Variants in XPR1 observed in about 807,000 individuals in gnomAD.
The protein encoded by XPR1 is xenotropic and polytropic retrovirus receptor 1, also known as solute carrier family 53 member 1.
In XPR1, 28 loss-of-function variants were observed where a neutral mutation model predicts 87.5. The ratio of observed to expected loss-of-function variants is 0.32; its 90% CI spans 0.24 to 0.44. XPR1 has a LOEUF of 0.44. Among genes scored for constraint, XPR1 ranks in the 20% least tolerant of loss-of-function variants. The pLI is 1.00. For synonymous variants in XPR1, 300 were observed against 306.1 expected (o/e 0.98, Z 0.21); for missense variants, 559 against 862.3 (o/e 0.65, Z 4.41).
At chr1:180,711,628 A>G (rs992661852) in intron 2 of XPR1, among the ~76,000 whole-genome samples, 5 of 151,140 alleles carry the variant, frequency 3.3e-5, no homozygotes, top group Admixed American at 2.6e-4. Context: ...GAGAGGGGGG[A>G]GAGTTCTTTT....
At chr1:180,791,303 A>G in intron 3 of XPR1, among the ~76,000 whole-genome samples, 1 of 152,054 alleles carries the variant, frequency 6.6e-6, no homozygotes, top group Non-Finnish European at 1.5e-5. Flanking sequence ...ACAGGATCTC[A>G]CTCTGTTGTC....
intron 2 of XPR1, among the ~76,000 whole-genome samples, chr1:180,757,452 A>G (rs1324201499): frequency 4.0e-5 from 6 of 150,664 alleles, no homozygotes; most frequent in Admixed American, 6.6e-5. Flanking sequence ...AGCTAATGCT[A>G]TTGGTTTGGA....
At chr1:180,844,252 G>C (rs1212264000) in intron 11 of XPR1, among the ~76,000 whole-genome samples, 3 of 152,120 alleles carry the variant, frequency 2.0e-5, no homozygotes, top group African/African-American at 7.2e-5. Context: ...ACAGGAGTTT[G>C]TCTAATTGAA....
At chr1:180,724,914 T>G (rs1183415290) in intron 2 of XPR1, among the ~76,000 whole-genome samples, 2 of 152,228 alleles carry the variant, frequency 1.3e-5, no homozygotes, top group African/African-American at 4.8e-5. Context: ...ATATTTTTGA[T>G]TCTAAGAAGT....
At chr1:180,859,176 T>C (rs1180642352) in intron 11 of XPR1, among the ~76,000 whole-genome samples, 1 of 100,566 alleles carries the variant, frequency 9.9e-6, no homozygotes, top group East Asian at 2.9e-4. Flanking sequence ...TTTAGTACTT[T>C]TCCTTCTCTC....
At position 180,887,246 on chromosome 1, in the gene XPR1, A is replaced by C. The variant is rs370771469; in HGVS notation, c.*3180A>C. 3.9e-5 allele frequency: 6 copies of C among 152,330 alleles called. No individual in the cohort carries two copies. Among genetic ancestry groups the C allele is most frequent in the Admixed American group, 3.3e-4 (5 of 15,304 alleles). 9.4% of individuals were successfully genotyped at this position (152,330 alleles called of 1,614,324 possible). A position where few individuals can be genotyped will look rare whatever the true frequency, so the allele number is the denominator to read the frequency against. ...AGCAACCTAACCAAATACAAACTTC[A>C]TTTGATTTTAGGTTTAGAAATTCTA... is the stretch of plus-strand genomic sequence containing the variant. On this transcript the variant is annotated 3_prime_UTR_variant, in exon 15 of 15. Transcript: ENST00000367590.
intron 1 of XPR1, among the ~76,000 whole-genome samples, chr1:180,668,935 T>C (rs909919888): frequency 6.6e-6 from 1 of 151,678 alleles, no homozygotes; most frequent in Non-Finnish European, 1.5e-5. Flanking sequence ...ACTAAAAATA[T>C]AAAAATTAGC....
At chr1:180,743,417 C>A (rs1488905009) in intron 2 of XPR1, among the ~76,000 whole-genome samples, 9 of 152,132 alleles carry the variant, frequency 5.9e-5, no homozygotes, top group African/African-American at 2.2e-4. Context: ...AAATAGGTCT[C>A]TTTCCCTTTC....
chr1:180,708,854 T>A lies in XPR1; in HGVS notation c.121+26443T>A, dbSNP rs1281295082. On this transcript the variant is annotated intron_variant, in intron 2 of 14. Coordinates refer to ENST00000367590, the MANE Select transcript of XPR1 (RefSeq NM_004736.4). ...GCATTTTTAAAAGATAATTTTTAAA[T>A]CTTTATCTTCAGATAGCTGTAGTCT... Among the ~76,000 whole-genome samples, 4 of 149,572 alleles carry A rather than the reference T, an allele frequency of 2.7e-5. No individual in the cohort carries two copies. The East Asian group carries it at 7.8e-4, about 29-fold the overall frequency.
intron 2 of XPR1, among the ~76,000 whole-genome samples, chr1:180,703,168 G>A (rs1657413446): frequency 6.6e-6 from 1 of 152,132 alleles, no homozygotes; most frequent in Non-Finnish European, 1.5e-5. Flanking sequence ...GGCACCAGTG[G>A]TGGTGGCAGT....
At chr1:180,764,392 C>G (rs1054664357) in intron 2 of XPR1, among the ~76,000 whole-genome samples, 1 of 151,844 alleles carries the variant, frequency 6.6e-6, no homozygotes, top group African/African-American at 2.4e-5. Context: ...ACTTCTAGTC[C>G]CAAGCATTTT....
At chr1:180,763,422 A>G (rs2102055835) in intron 2 of XPR1, among the ~76,000 whole-genome samples, 1 of 152,314 alleles carries the variant, frequency 6.6e-6, no homozygotes, top group East Asian at 1.9e-4. Flanking sequence ...AAAAAATGAT[A>G]TCTGACCTCC....
intron 9 of XPR1, among the ~76,000 whole-genome samples, chr1:180,826,722 A>G (rs945391938): frequency 2.0e-5 from 3 of 152,254 alleles, no homozygotes; most frequent in Non-Finnish European, 2.9e-5. Flanking sequence ...TTCACTTTAT[A>G]AGTATACGTC....
rs990691274 is a variant in XPR1, at chr1:180,777,203, C to T, written c.122-10550C>T. On this transcript the variant is annotated intron_variant, in intron 2 of 14. Transcript: ENST00000367590. ...CCAGAATATCTTTTGAATTTTTTCA[C>T]TTCTCTGTCTCCAGTGCCCTCACCC... is the stretch of plus-strand genomic sequence containing the variant. Among the ~76,000 whole-genome samples the T allele has an allele frequency of 3.3e-5, 5 of 152,162 alleles. 1 individual carries two copies. The highest frequency in any genetic ancestry group is 4.1e-4 in the South Asian group (2 of 4,830).
rs146169859 is a variant in XPR1 at position 180,714,405 on chromosome 1, C to CT, written c.121+31994_121+31995insT. On this transcript the variant is annotated intron_variant, in intron 2 of 14. Coordinates refer to ENST00000367590, the MANE Select transcript of XPR1 (RefSeq NM_004736.4). ...TCTCTCTCTCTCTCTCTCTCTCTGT[C>CT]GTCTGTCTGTCTGTCTGTCTGTCTC... Among the ~76,000 whole-genome samples the CT allele has an allele frequency of 9.0e-4, 108 of 120,502 alleles. 1 individual carries two copies. The highest frequency in any genetic ancestry group is 1.3e-3 in the African/African-American group (42 of 31,254). 79.1% of individuals were successfully genotyped at this position (120,502 alleles called of 152,430 possible).
Position 180,863,630 on chromosome 1 carries a change from TTTAA to T in XPR1, c.1502-74_1502-71del, listed in dbSNP as rs1384993705. On this transcript the variant is annotated intron_variant, in intron 11 of 14. Coordinates refer to ENST00000367590, the MANE Select transcript of XPR1 (RefSeq NM_004736.4). ...TTATGGAGCTATTTTAAGAATCTGT[TTTAA>T]TTAGTGTTATTAATGAAAAATTTTA... is the stretch of plus-strand genomic sequence containing the variant. 4 of 1,320,598 alleles carry T rather than the reference TTTAA, an allele frequency of 3.0e-6. No individual in the cohort carries two copies. In the East Asian group the frequency reaches 7.3e-5, roughly 24 times the overall value. 81.8% of individuals were successfully genotyped at this position (1,320,598 alleles called of 1,614,324 possible). A position where few individuals can be genotyped will look rare whatever the true frequency, so the allele number is the denominator to read the frequency against.
chr1:180,836,087 A>G (rs1651279565), intron 10 of XPR1, among the ~76,000 whole-genome samples: 1 of 152,122 alleles, frequency 6.6e-6, no homozygotes, highest in African/African-American at 2.4e-5. Context: ...GACTGGGCGC[A>G]GTGGCTCACA....
chr1:180,873,485 C>T (rs994998934), intron 12 of XPR1, among the ~76,000 whole-genome samples: 8 of 152,208 alleles, frequency 5.3e-5, no homozygotes, highest in Non-Finnish European at 1.5e-5. Flanking sequence ...AATCAAGGAT[C>T]TTAACCAGCT....
chr1:180,779,753 G>A (rs1461045526), intron 2 of XPR1, among the ~76,000 whole-genome samples: 1 of 151,962 alleles, frequency 6.6e-6, no homozygotes, highest in African/African-American at 2.4e-5. Flanking sequence ...ATAATTCATA[G>A]GTTTCTAATA....
Sources: gnomAD v4.1 joint callset for allele counts (sites outside exome capture counted in the v4.1 genomes callset) on GRCh38, gnomAD v4.1.1 for gene constraint, MANE v1.5 for transcripts, NCBI Gene and HGNC (gene_info 2026-07-23, HGNC 2026-07-21) for gene names.